The following LUZP1 variants were observed in gnomAD, a reference collection of about 807,000 sequenced individuals.
LUZP1 encodes leucine zipper protein 1, also known as filamin mechanobinding actin cross-linking protein.
Under a neutral mutation model 71.3 loss-of-function variants are expected in LUZP1, and 25 were observed. That is an observed-to-expected ratio of 0.35 (90% CI 0.26 to 0.49). The LOEUF is 0.49. Ranked by LOEUF, LUZP1 falls within the 20% of genes least tolerant of loss-of-function variation. The pLI is 0.99. For missense variants in LUZP1, 1,142 were observed against 1,300.8 expected (o/e 0.88, Z 1.88); for synonymous variants, 481 against 506.4 (o/e 0.95, Z 0.67).
chr1:23,152,013 AAAAAG>A (rs1470084110), intron 2 of LUZP1, among the ~76,000 whole-genome samples: 2 of 152,002 alleles, frequency 1.3e-5, no homozygotes, highest in East Asian at 1.9e-4. Flanking sequence ...AAAAAAAAAA[AAAAAG>A]AAAAGAAATG....
rs1643838672 is a variant in LUZP1, at chr1:23,090,701, C to T, written c.3072+489G>A. The T allele has an allele frequency of 4.9e-6, 3 of 614,464 alleles. No individual in the cohort carries two copies. The East Asian group carries it at 8.2e-5, about 17-fold the overall frequency. 38.1% of individuals were successfully genotyped at this position (614,464 alleles called of 1,614,324 possible). ...GCCCAGTGTAAGCCCCGGCTCTCCT[C>T]ATCCCTGAGAGGCCAGCAGCCTGTG... On this transcript the variant is annotated intron_variant, in intron 4 of 4. Transcript: ENST00000302291.
At chr1:23,111,727 T>C (rs575504381) in intron 2 of LUZP1, among the ~76,000 whole-genome samples, 2 of 152,046 alleles carry the variant, frequency 1.3e-5, no homozygotes, top group Admixed American at 1.3e-4. Context: ...TTCCACAGAC[T>C]TTCCGTCCTA....
At chr1:23,116,304 T>C (rs1644078169) in intron 2 of LUZP1, among the ~76,000 whole-genome samples, 1 of 152,116 alleles carries the variant, frequency 6.6e-6, no homozygotes, top group Admixed American at 6.5e-5. Flanking sequence ...TCACTTGATC[T>C]AGGAGACTGA....
chr1:23,121,606 G>C (rs1644130222), intron 2 of LUZP1, among the ~76,000 whole-genome samples: 1 of 152,126 alleles, frequency 6.6e-6, no homozygotes, highest in Non-Finnish European at 1.5e-5. Context: ...TGTGGTCCCA[G>C]CTACTTGGGA....
At chr1:23,105,829 G>A (rs897489406) in intron 3 of LUZP1, among the ~76,000 whole-genome samples, 1 of 151,930 alleles carries the variant, frequency 6.6e-6, no homozygotes, top group African/African-American at 2.4e-5. Flanking sequence ...ATTCCTGAGT[G>A]CAACTATTCA....
At chr1:23,163,842 T>C (rs1644488888) in intron 2 of LUZP1, 1 of 152,208 alleles carries the variant, frequency 6.6e-6, no homozygotes, top group African/African-American at 2.4e-5. Context: ...GAATCAATGG[T>C]CTGCCCCTCA....
At chr1:23,173,458 A>G (rs1644565275) in intron 1 of LUZP1, among the ~76,000 whole-genome samples, 1 of 148,502 alleles carries the variant, frequency 6.7e-6, no homozygotes, top group Non-Finnish European at 1.5e-5. Flanking sequence ...GGCTCGAGTA[A>G]TCCTCCAACC....
At chr1:23,169,775 C>T (rs1010045031) in intron 1 of LUZP1, among the ~76,000 whole-genome samples, 1 of 152,190 alleles carries the variant, frequency 6.6e-6, no homozygotes, top group Non-Finnish European at 1.5e-5. Context: ...CAGCCAGAGA[C>T]TGCTCTCGCT....
At chr1:23,118,302 C>T (rs1445438850) in intron 2 of LUZP1, among the ~76,000 whole-genome samples, 1 of 148,650 alleles carries the variant, frequency 6.7e-6, no homozygotes, top group Non-Finnish European at 1.5e-5. Context: ...GAGGCTGAGG[C>T]AACGAGAATT....
exon 5 of LUZP1, chr1:23,086,596 C>T (rs1643770300): frequency 6.6e-6 from 1 of 152,658 alleles, no homozygotes; most frequent in Non-Finnish European, 1.5e-5. Flanking sequence ...CTGTTTCCAT[C>T]AGCAGAGAAG....
exon 4 of LUZP1, chr1:23,091,464 A>G (rs1643852632): frequency 6.2e-7 from 1 of 1,614,186 alleles, no homozygotes; most frequent in Non-Finnish European, 8.5e-7. Context: ...GGGGTCTTCT[A>G]AAGATTTCAA....
intron 2 of LUZP1, among the ~76,000 whole-genome samples, chr1:23,160,547 C>T (rs962208555): frequency 1.3e-5 from 2 of 152,178 alleles, no homozygotes; most frequent in Non-Finnish European, 2.9e-5. Flanking sequence ...TCGCCGGAAG[C>T]AGTTGGTGCA....
At chr1:23,103,299 A>G (rs1366309412) in intron 3 of LUZP1, among the ~76,000 whole-genome samples, 1 of 152,136 alleles carries the variant, frequency 6.6e-6, no homozygotes, top group East Asian at 1.9e-4. Context: ...CTGTTTTAAA[A>G]TCTTAGGCTG....
intron 2 of LUZP1, among the ~76,000 whole-genome samples, chr1:23,142,686 AATATATAT>A (rs147043620): frequency 3.4e-5 from 4 of 117,584 alleles, no homozygotes; most frequent in Non-Finnish European, 5.3e-5. Flanking sequence ...GGGTGCATAA[AATATATAT>A]ATATATACAC....
intron 2 of LUZP1, among the ~76,000 whole-genome samples, chr1:23,149,960 CAAAAA>C (rs66680455): frequency 1.2e-4 from 9 of 75,780 alleles, no homozygotes; most frequent in Non-Finnish European, 2.1e-4. Flanking sequence ...GACTCCGTCT[CAAAAA>C]AAAAAAAAAA....
chr1:23,091,570 T>C lies in LUZP1; in HGVS notation c.2692A>G (p.Thr898Ala), dbSNP rs374297046. The C allele has an allele frequency of 3.1e-6, 5 of 1,614,056 alleles. No homozygotes were observed. The South Asian group carries it at 4.4e-5, about 14-fold the overall frequency. Residue 898 changes from threonine (T) to alanine (A), a missense_variant, in exon 4 of 5, where the codon ACA (threonine) becomes GCA (alanine). Transcript: ENST00000302291. ...GCACTATGGCTTTTCCACCTGATTG[T>C]CTCCGCTGGAGGTGCATGGCTATTC... is the stretch of plus-strand genomic sequence containing the variant.
At chr1:23,135,311 T>A (rs372043413) in intron 2 of LUZP1, among the ~76,000 whole-genome samples, 16 of 152,246 alleles carry the variant, frequency 1.1e-4, no homozygotes, top group Non-Finnish European at 2.1e-4. Context: ...CAAATTACTT[T>A]ATTCATTTTA....
At chr1:23,099,427 A>G (rs1404443853) in intron 3 of LUZP1, among the ~76,000 whole-genome samples, 1 of 152,152 alleles carries the variant, frequency 6.6e-6, no homozygotes, top group Admixed American at 6.6e-5. Flanking sequence ...TGTATTTTAA[A>G]GAGATAAACT....
rs557431613 is a variant in LUZP1 at position 23,130,606 on chromosome 1, C to T, written c.-225-21479G>A. 3.8e-4 allele frequency among the ~76,000 whole-genome samples: 56 copies of T among 148,826 alleles called. 1 individual carries two copies. The South Asian group carries it at 0.012, about 31-fold the overall frequency. ...CTTGAATTCCTAGGCTCAAGCAATC[C>T]TCCCACCTCAGCCTGGCAAAGTGCT... On this transcript the variant is annotated intron_variant, in intron 2 of 4. Coordinates refer to ENST00000302291, the Ensembl canonical transcript of LUZP1.
Sources: gnomAD v4.1 joint callset for allele counts (sites outside exome capture counted in the v4.1 genomes callset) on GRCh38, gnomAD v4.1.1 for gene constraint, MANE v1.5 for transcripts, NCBI Gene and HGNC (gene_info 2026-07-23, HGNC 2026-07-21) for gene names.